Variants in REEP3 observed in about 807,000 individuals in gnomAD.
REEP3 encodes the protein receptor expression-enhancing protein 3.
REEP3 carries 20 observed loss-of-function variants against 41.3 expected under a neutral mutation model. That is an observed-to-expected ratio of 0.48 (90% CI 0.34 to 0.70). The LOEUF is 0.70. Among genes scored for constraint, REEP3 ranks in the 30% least tolerant of loss-of-function variants. The pLI is 0.01. For synonymous variants in REEP3, 104 were observed against 101.8 expected (o/e 1.02, Z -0.13); for missense variants, 271 against 308.8 (o/e 0.88, Z 0.92).
intron 2 of REEP3, among the ~76,000 whole-genome samples, chr10:63,582,767 C>T (rs560658362): frequency 6.6e-6 from 1 of 151,750 alleles, no homozygotes; most frequent in Non-Finnish European, 1.5e-5. Context: ...CCTCTGTGTA[C>T]CTGTTTCCTT....
At chr10:63,611,735 T>TA (rs978026445) in intron 6 of REEP3, among the ~76,000 whole-genome samples, 5 of 151,240 alleles carry the variant, frequency 3.3e-5, no homozygotes, top group East Asian at 3.9e-4. Context: ...AAATAAAAAT[T>TA]AAAAAAACTG....
At chr10:63,616,481 T>A (rs1203439247) in intron 6 of REEP3, among the ~76,000 whole-genome samples, 1 of 152,232 alleles carries the variant, frequency 6.6e-6, no homozygotes, top group Non-Finnish European at 1.5e-5. Context: ...AAAATACTTG[T>A]GGAGTAATGA....
At chr10:63,539,355 G>A (rs1358215396) in intron 1 of REEP3, among the ~76,000 whole-genome samples, 1 of 152,162 alleles carries the variant, frequency 6.6e-6, no homozygotes, top group Admixed American at 6.5e-5. Context: ...TTTGAATTTT[G>A]TAAGATGGGG....
At chr10:63,560,742 C>G (rs1955732946) in intron 1 of REEP3, among the ~76,000 whole-genome samples, 2 of 152,062 alleles carry the variant, frequency 1.3e-5, no homozygotes, top group Admixed American at 1.3e-4. Flanking sequence ...CTTTATAAGC[C>G]CTCCATTTAT....
chr10:63,547,382 G>A (rs939030316), intron 1 of REEP3, among the ~76,000 whole-genome samples: 1 of 152,034 alleles, frequency 6.6e-6, no homozygotes, highest in African/African-American at 2.4e-5. Context: ...AGCCAAAATG[G>A]GAGAAAATCA....
chr10:63,541,378 T>C (rs1301889557), intron 1 of REEP3, among the ~76,000 whole-genome samples: 1 of 152,206 alleles, frequency 6.6e-6, no homozygotes, highest in Non-Finnish European at 1.5e-5. Context: ...ATGGTTCATA[T>C]AGTTCTAGAT....
At chr10:63,566,445 T>A in intron 2 of REEP3, 35 bp downstream of exon 2, 1 of 1,155,448 alleles carries the variant, frequency 8.7e-7, no homozygotes, top group Non-Finnish European at 1.3e-6. Flanking sequence ...AATCTGAGTT[T>A]AATATTTTAA....
intron 1 of REEP3, among the ~76,000 whole-genome samples, chr10:63,546,713 A>G (rs1189092650): frequency 6.6e-6 from 1 of 152,248 alleles, no homozygotes. Context: ...CCATACATAT[A>G]TAGGCATTTG....
At chr10:63,541,637 GT>G (rs147232123) in intron 1 of REEP3, among the ~76,000 whole-genome samples, 20,481 of 149,978 alleles carry the variant, frequency 0.14, 2,002 homozygotes, top group East Asian at 0.29. Flanking sequence ...ATCCAGAGAA[GT>G]TTTTTTTTTG....
intron 2 of REEP3, among the ~76,000 whole-genome samples, chr10:63,593,584 A>G (rs553486825): frequency 2.0e-5 from 3 of 152,288 alleles, no homozygotes; most frequent in African/African-American, 7.2e-5. Context: ...GGCATTGTGT[A>G]TTTGCTGTTA....
chr10:63,568,483 G>C (rs894633819), intron 2 of REEP3, among the ~76,000 whole-genome samples: 2 of 151,744 alleles, frequency 1.3e-5, no homozygotes, highest in Non-Finnish European at 2.9e-5. Flanking sequence ...TAGCCAGGAC[G>C]GTCTCGATCT....
At chr10:63,544,299 G>C (rs1441432858) in intron 1 of REEP3, among the ~76,000 whole-genome samples, 1 of 152,214 alleles carries the variant, frequency 6.6e-6, no homozygotes, top group Admixed American at 6.5e-5. Flanking sequence ...AGAAAGCAAG[G>C]AAAGGTTGTT....
chr10:63,522,089 C>G (rs1955275820), intron 1 of REEP3, among the ~76,000 whole-genome samples: 1 of 152,092 alleles, frequency 6.6e-6, no homozygotes, highest in Non-Finnish European at 1.5e-5. Context: ...TGCGGTGTCT[C>G]TCTTGGCGGC....
At chr10:63,612,049 A>G (rs180914837) in intron 6 of REEP3, among the ~76,000 whole-genome samples, 2 of 152,328 alleles carry the variant, frequency 1.3e-5, no homozygotes, top group African/African-American at 2.4e-5. Context: ...AGCATTGGCC[A>G]TTGATTAAGG....
At chr10:63,605,746 G>A (rs1462414313) in intron 5 of REEP3, among the ~76,000 whole-genome samples, 1 of 152,138 alleles carries the variant, frequency 6.6e-6, no homozygotes, top group Non-Finnish European at 1.5e-5. Flanking sequence ...TGCCAACCAC[G>A]TGCTTGGATA....
chr10:63,521,553 C>A lies in REEP3; in HGVS notation c.8C>A (p.Ser3Tyr). Residue 3 changes from serine to tyrosine, a missense_variant, in exon 1 of 8, where the codon TCC becomes TAC. Coordinates refer to ENST00000373758, the MANE Select transcript of REEP3 (RefSeq NM_001001330.3). MV[S>Y]WMISRAVVLV... is the part of the protein sequence containing the mutation. ...GCCCAAGCCCCCGTGAAGATGGTGTCCTGGATGATCTCCAGAGCCGTGGTG... is the reference window on the plus strand; with the variant it reads ...GCCCAAGCCCCCGTGAAGATGGTGTACTGGATGATCTCCAGAGCCGTGGTG... The A allele has an allele frequency of 1.4e-6, 2 of 1,429,156 alleles. No individual in the cohort carries two copies. Among genetic ancestry groups the A allele is most frequent in the Non-Finnish European group, 1.9e-6 (2 of 1,079,984 alleles). The allele number at this position is 1,429,156 out of a possible 1,614,324, so 88.5% of individuals were successfully genotyped here. A position where few individuals can be genotyped will look rare whatever the true frequency, so the allele number is the denominator to read the frequency against.
chr10:63,587,257 C>G (rs770434552), intron 2 of REEP3, among the ~76,000 whole-genome samples: 1 of 152,174 alleles, frequency 6.6e-6, no homozygotes, highest in Non-Finnish European at 1.5e-5. Context: ...ATCCTTCCTA[C>G]CCTTCATTTC....
rs80017232 is a variant in REEP3, at chr10:63,596,059, C to T, written c.182+1205C>T. Among the ~76,000 whole-genome samples the T allele has an allele frequency of 2.6e-3, 400 of 152,260 alleles. 3 individuals carry two copies. The highest frequency in any genetic ancestry group is 9.0e-3 in the African/African-American group (374 of 41,558). On this transcript the variant is annotated intron_variant, in intron 3 of 7. Coordinates refer to ENST00000373758, the MANE Select transcript of REEP3 (RefSeq NM_001001330.3). ...TATTCTCTCCTTAAGCTGTCTTTCCCATTTTGCTCTTCTCCTGTTCATGTG... is the reference window on the plus strand; with the variant it reads ...TATTCTCTCCTTAAGCTGTCTTTCCTATTTTGCTCTTCTCCTGTTCATGTG...
intron 1 of REEP3, among the ~76,000 whole-genome samples, chr10:63,559,993 A>G (rs1342244786): frequency 1.3e-5 from 2 of 152,116 alleles, no homozygotes; most frequent in African/African-American, 2.4e-5. Context: ...AAAAATCTCT[A>G]TATGCTCTAA....
Sources: allele counts gnomAD v4.1 joint callset (sites outside exome capture counted in the v4.1 genomes callset), GRCh38; gene constraint gnomAD v4.1.1; transcripts MANE v1.5; gene names NCBI Gene and HGNC (gene_info 2026-07-23, HGNC 2026-07-21).